The following DLGAP2 variants were observed in gnomAD, a reference collection of about 807,000 sequenced individuals.
The protein encoded by DLGAP2 is disks large-associated protein 2.
In DLGAP2, 26 loss-of-function variants were observed where a neutral mutation model predicts 100.3. The observed-to-expected ratio is 0.26, with a 90% CI of 0.19 to 0.36. The LOEUF (loss-of-function observed/expected upper bound fraction) is 0.36, where lower values mean the gene tolerates loss of function less well. Among genes scored for constraint, DLGAP2 ranks in the 10% least tolerant of loss-of-function variants. The pLI is 1.00. For synonymous variants in DLGAP2, 886 were observed against 630.1 expected (o/e 1.41, Z -6.08); for missense variants, 1,858 against 1,453.2 (o/e 1.28, Z -4.53).
At chr8:1,672,933 T>G (rs1798727196) in intron 10 of DLGAP2, among the ~76,000 whole-genome samples, 1 of 152,174 alleles carries the variant, frequency 6.6e-6, no homozygotes. Flanking sequence ...GGCCCAGTAT[T>G]ACTAGTGAGC....
chr8:1,270,007 G>A (rs565396096), intron 3 of DLGAP2, among the ~76,000 whole-genome samples: 3 of 152,290 alleles, frequency 2.0e-5, no homozygotes, highest in Non-Finnish European at 4.4e-5. Flanking sequence ...CCTGGGCGGG[G>A]AGCATTTTCA....
chr8:1,075,289 G>C (rs1803571351), intron 2 of DLGAP2, among the ~76,000 whole-genome samples: 1 of 152,172 alleles, frequency 6.6e-6, no homozygotes, highest in South Asian at 2.1e-4. Context: ...AGGAAAAGTT[G>C]AGCTGAAGGA....
At position 1,167,831 on chromosome 8, in the gene DLGAP2, C is replaced by T. The variant is rs567026554; in HGVS notation, c.74-91020C>T. Reference sequence around the variant, plus strand: ...GTACCTGGTTGAGGTCCTAAACCAACGTTCAGTAGAGGGATGTAGACAGAC... The same window carrying T: ...GTACCTGGTTGAGGTCCTAAACCAATGTTCAGTAGAGGGATGTAGACAGAC... On this transcript the variant is annotated intron_variant, in intron 2 of 14. Transcript: ENST00000637795. 2.1e-5 allele frequency among the ~76,000 whole-genome samples: 3 copies of T among 145,784 alleles called. No homozygotes were observed. The South Asian group carries it at 6.9e-4, about 33-fold the overall frequency.
intron 3 of DLGAP2, among the ~76,000 whole-genome samples, chr8:1,414,883 T>TC (rs1796835298): frequency 6.6e-6 from 1 of 152,042 alleles, no homozygotes; most frequent in African/African-American, 2.4e-5. Flanking sequence ...GTGGCAGGCA[T>TC]CTGTAATCCC....
intron 10 of DLGAP2, 110 bp from the exon 11 acceptor site, chr8:1,676,422 TA>T (rs1229055154): frequency 8.6e-7 from 1 of 1,162,236 alleles, no homozygotes; most frequent in East Asian, 2.6e-5. Context: ...ACCGCTGCAT[TA>T]ATTAAACAAA....
At chr8:1,558,915 G>C (rs181532077) in intron 5 of DLGAP2, among the ~76,000 whole-genome samples, 2 of 152,240 alleles carry the variant, frequency 1.3e-5, no homozygotes, top group African/African-American at 4.8e-5. Flanking sequence ...GAATGCAGAA[G>C]ACATTTCCCT....
At chr8:1,177,057 A>G (rs984799883) in intron 2 of DLGAP2, among the ~76,000 whole-genome samples, 4 of 152,170 alleles carry the variant, frequency 2.6e-5, no homozygotes, top group Non-Finnish European at 5.9e-5. Flanking sequence ...TCAAAAAATT[A>G]TACTTTCTTT....
In DLGAP2 at chr8:1,363,064, A is replaced by T. The variant is rs554103627; in HGVS notation, c.106+104181A>T. Among the ~76,000 whole-genome samples the T allele has an allele frequency of 2.0e-5, 3 of 152,226 alleles. 1 individual carries two copies. In the South Asian group the frequency reaches 6.2e-4, roughly 32 times the overall value. ...TCTAAGCTTTAAAGAGAAGCCAAAA[A>T]TCTGGTTTCTGTCTGAAGTCTTCTC... On this transcript the variant is annotated intron_variant, in intron 3 of 14. Transcript: ENST00000637795.
intron 8 of DLGAP2, 132 bp from the exon 9 acceptor site, chr8:1,668,197 C>A: frequency 1.3e-6 from 1 of 787,214 alleles, no homozygotes; most frequent in Non-Finnish European, 2.0e-6. Context: ...TCATTTCACG[C>A]TATTTTTTTA....
At chr8:1,382,542 C>G (rs188539337) in intron 3 of DLGAP2, among the ~76,000 whole-genome samples, 1 of 152,164 alleles carries the variant, frequency 6.6e-6, no homozygotes, top group Admixed American at 6.5e-5. Context: ...TTGAGACCAA[C>G]CTGGGCAACA....
intron 2 of DLGAP2, among the ~76,000 whole-genome samples, chr8:1,076,185 C>A (rs1803602421): frequency 6.6e-6 from 1 of 152,206 alleles, no homozygotes; most frequent in Admixed American, 6.5e-5. Context: ...GAAGGTGAAC[C>A]TGACGTTCTC....
intron 1 of DLGAP2, among the ~76,000 whole-genome samples, chr8:815,164 T>A (rs549002763): frequency 6.6e-6 from 1 of 151,978 alleles, no homozygotes; most frequent in East Asian, 1.9e-4. Flanking sequence ...ACAGCAGGAG[T>A]TTATTTCTCA....
Position 1,318,829 on chromosome 8 carries a change from A to C in DLGAP2, c.106+59946A>C, listed in dbSNP as rs543037246. On this transcript the variant is annotated intron_variant, in intron 3 of 14. Coordinates refer to ENST00000637795, the MANE Select transcript of DLGAP2 (RefSeq NM_001346810.2). ...CTTGGGGCCTCCAATGTGTTCCCCA[A>C]CAGCTGCCGGAATGGTCTTCCTAAA... Among the ~76,000 whole-genome samples the C allele has an allele frequency of 2.1e-3, 226 of 110,022 alleles. 1 individual carries two copies. The highest frequency in any genetic ancestry group is 6.3e-3 in the Middle Eastern group (1 of 158). 72.2% of individuals were successfully genotyped at this position (110,022 alleles called of 152,430 possible). A position where few individuals can be genotyped will look rare whatever the true frequency, so the allele number is the denominator to read the frequency against.
In DLGAP2 at chr8:1,445,723, C is replaced by G. The variant is rs574890713; in HGVS notation, c.107-55643C>G. Among the ~76,000 whole-genome samples, 173 of 152,262 alleles carry G rather than the reference C, an allele frequency of 1.1e-3. 1 individual carries two copies. The highest frequency in any genetic ancestry group is 4.0e-3 in the African/African-American group (166 of 41,548). On this transcript the variant is annotated intron_variant, in intron 3 of 14. Coordinates refer to ENST00000637795, the MANE Select transcript of DLGAP2 (RefSeq NM_001346810.2). Reference sequence around the variant, plus strand: ...TCCCACTAACAGTGTAAAAGTGTTCCTATTTCTCCACATCCTCTCCAGCAC... The same window carrying G: ...TCCCACTAACAGTGTAAAAGTGTTCGTATTTCTCCACATCCTCTCCAGCAC...
intron 2 of DLGAP2, among the ~76,000 whole-genome samples, chr8:1,187,639 G>A (rs1211811488): frequency 1.5e-5 from 2 of 130,764 alleles, no homozygotes; most frequent in African/African-American, 5.8e-5. Flanking sequence ...CGTGACGTTT[G>A]TCTCATGGAA....
chr8:894,674 G>C (rs1178444621), intron 1 of DLGAP2, among the ~76,000 whole-genome samples: 3 of 147,130 alleles, frequency 2.0e-5, no homozygotes, highest in Admixed American at 1.4e-4. Flanking sequence ...GGCGGGGTGG[G>C]GAAAGTGGAG....
intron 2 of DLGAP2, among the ~76,000 whole-genome samples, chr8:1,177,820 G>A (rs1292556797): frequency 6.6e-6 from 1 of 152,140 alleles, no homozygotes; most frequent in African/African-American, 2.4e-5. Flanking sequence ...GCTCTCCAGG[G>A]CCTCTTACCT....
intron 2 of DLGAP2, among the ~76,000 whole-genome samples, chr8:963,307 T>G (rs150290601): frequency 6.7e-6 from 1 of 149,580 alleles, no homozygotes; most frequent in Non-Finnish European, 1.5e-5. Flanking sequence ...GCAAGTCAGC[T>G]CTCAGATGTG....
intron 3 of DLGAP2, among the ~76,000 whole-genome samples, chr8:1,265,488 G>A (rs1378209252): frequency 6.6e-6 from 1 of 152,162 alleles, no homozygotes; most frequent in Non-Finnish European, 1.5e-5. Context: ...ACACATGTCT[G>A]GAATTAAATG....
Sources: gnomAD v4.1 joint callset for allele counts (sites outside exome capture counted in the v4.1 genomes callset) on GRCh38, gnomAD v4.1.1 for gene constraint, MANE v1.5 for transcripts, NCBI Gene and HGNC (gene_info 2026-07-23, HGNC 2026-07-21) for gene names.